EHHADH: variants seen among roughly 807,000 people sequenced by gnomAD.
The protein encoded by EHHADH is peroxisomal bifunctional enzyme.
In EHHADH, 48 loss-of-function variants were observed where a neutral mutation model predicts 64.4. The ratio of observed to expected loss-of-function variants is 0.75; its 90% confidence interval spans 0.59 to 0.95. The LOEUF (loss-of-function observed/expected upper bound fraction) is 0.95, where lower values mean the gene tolerates loss of function less well. Among genes scored for constraint, EHHADH ranks in the 40% least tolerant of loss-of-function variants. EHHADH has a pLI of 0.00. For missense variants in EHHADH, 854 were observed against 876.6 expected, an observed-to-expected ratio of 0.97 and a Z score of 0.33; for synonymous variants, 308 against 326.7, an observed-to-expected ratio of 0.94 and a Z score of 0.62.
chr3:185,202,853 G>A (rs1292183813), intron 6 of EHHADH, among the ~76,000 whole-genome samples: 1 of 152,102 alleles, frequency 6.6e-6, no homozygotes, highest in South Asian at 2.1e-4. Flanking sequence ...GTGCTAGACA[G>A]CTGGGCAAGG....
intron 4 of EHHADH, among the ~76,000 whole-genome samples, chr3:185,222,597 T>A (rs924236894): frequency 1.3e-5 from 2 of 152,236 alleles, no homozygotes; most frequent in African/African-American, 4.8e-5. Flanking sequence ...AGCTGCATTC[T>A]CATTCTCCTA....
intron 3 of EHHADH, among the ~76,000 whole-genome samples, chr3:185,230,385 T>C (rs1209835616): frequency 6.6e-6 from 1 of 152,214 alleles, no homozygotes; most frequent in African/African-American, 2.4e-5. Flanking sequence ...CATGGCACCA[T>C]GGTTCATAAA....
intron 5 of EHHADH, among the ~76,000 whole-genome samples, chr3:185,211,762 T>G: frequency 6.6e-6 from 1 of 152,226 alleles, no homozygotes; most frequent in Non-Finnish European, 1.5e-5. Flanking sequence ...TTTTGAAACA[T>G]GTTCATATAA....
intron 6 of EHHADH, among the ~76,000 whole-genome samples, chr3:185,199,814 T>G (rs1160757703): frequency 6.6e-6 from 1 of 152,186 alleles, no homozygotes; most frequent in South Asian, 2.1e-4. Flanking sequence ...GGTGGCATCA[T>G]GGCTTTCTGC....
intron 5 of EHHADH, among the ~76,000 whole-genome samples, chr3:185,211,349 C>A (rs1718535497): frequency 2.0e-5 from 3 of 152,022 alleles, no homozygotes; most frequent in Admixed American, 2.0e-4. Flanking sequence ...TTTCCTTGAC[C>A]CATTCACATT....
At chr3:185,232,963 C>T (rs1022132978) in intron 3 of EHHADH, among the ~76,000 whole-genome samples, 4 of 152,226 alleles carry the variant, frequency 2.6e-5, no homozygotes, top group Admixed American at 2.6e-4. Context: ...AGTATATTTG[C>T]CCTATAAGAA....
rs746184892 is a variant in EHHADH at position 185,253,950 on chromosome 3, T to C, written c.73A>G (p.Ser25Gly). 2 of 1,614,074 alleles carry C rather than the reference T, an allele frequency of 1.2e-6. No individual in the cohort carries two copies. The highest frequency in any genetic ancestry group is 4.5e-5 in the East Asian group (2 of 44,862). ...RLRNPPVNAI[S>G]TTLLRDIKEG... is the part of the protein sequence containing the mutation. Reference sequence around the variant, plus strand: ...GCTGGAGGCGACCGAGCCCGTTACCTGATCGCGTTGACCGGCGGGTTTCGG... The same window carrying C: ...GCTGGAGGCGACCGAGCCCGTTACCCGATCGCGTTGACCGGCGGGTTTCGG... Residue 25 changes from serine to glycine, a missense_variant and splice_region_variant, in exon 1 of 7, where the codon AGT becomes GGT. By Grantham distance (56) the Ser-to-Gly change is moderately conservative (BLOSUM62 0). Transcript: ENST00000231887.
intron 1 of EHHADH, among the ~76,000 whole-genome samples, chr3:185,249,997 G>C (rs1719702401): frequency 6.6e-6 from 1 of 152,216 alleles, no homozygotes; most frequent in African/African-American, 2.4e-5. Flanking sequence ...CCTTGGATCA[G>C]GAGGTAGAAG....
rs938164645 is a variant in EHHADH, at chr3:185,210,172, G to A, written c.569-5415C>T. Among the ~76,000 whole-genome samples, 6 of 152,168 alleles carry A rather than the reference G, an allele frequency of 3.9e-5. No individual in the cohort carries two copies. The South Asian group carries it at 1.0e-3, about 26-fold the overall frequency. ...ATAGACAGCGCTGGGATATCTTAGA[G>A]TTGGATCTCTGTCTTGTGATACTAC... On this transcript the variant is annotated intron_variant, in intron 5 of 6. Coordinates refer to ENST00000231887, the MANE Select transcript of EHHADH (RefSeq NM_001966.4).
At chr3:185,245,449 T>C in intron 2 of EHHADH, 12 of 882,214 alleles carry the variant, frequency 1.4e-5, no homozygotes. Context: ...GAAAAATCAG[T>C]GATTAGCAAA....
intron 2 of EHHADH, among the ~76,000 whole-genome samples, chr3:185,241,344 A>G (rs1719446366): frequency 6.6e-6 from 1 of 152,170 alleles, no homozygotes; most frequent in Admixed American, 6.5e-5. Flanking sequence ...ATCAAATGGT[A>G]GTTCTACTTT....
rs202232210 is a variant in EHHADH at position 185,193,465 on chromosome 3, G to A, written c.933C>T (p.Gly311=). The change falls in exon 7 of 7, where the codon GGC becomes GGT. Residue 311 remains glycine, a synonymous_variant. Coordinates refer to ENST00000231887, the MANE Select transcript of EHHADH (RefSeq NM_001966.4). ...GVVGLGTMGR[G]IVISFARARI... ...TGGCCCTTGCAAAAGAAATGACAAT[G>A]CCTCGGCCCATTGTTCCCAAGCCTG... 5.2e-5 allele frequency: 84 copies of A among 1,614,128 alleles called. No homozygotes were observed. The East Asian group carries it at 1.8e-3, about 35-fold the overall frequency.
intron 3 of EHHADH, among the ~76,000 whole-genome samples, chr3:185,230,097 G>A (rs1012139146): frequency 6.6e-6 from 1 of 152,066 alleles, no homozygotes; most frequent in African/African-American, 2.4e-5. Context: ...GCCATCAGAG[G>A]AATACAAATC....
At chr3:185,227,448 C>T (rs1389929546) in intron 4 of EHHADH, among the ~76,000 whole-genome samples, 5 of 151,558 alleles carry the variant, frequency 3.3e-5, no homozygotes, top group African/African-American at 7.3e-5. Flanking sequence ...AGGAGAATTG[C>T]GTGAACTCAG....
chr3:185,193,821 T>C (rs1473054811), intron 6 of EHHADH, among the ~76,000 whole-genome samples: 1 of 152,170 alleles, frequency 6.6e-6, no homozygotes, highest in East Asian at 1.9e-4. Flanking sequence ...GAAACAATTC[T>C]ACTTACAATA....
At chr3:185,214,040 G>A (rs1327469151) in intron 5 of EHHADH, among the ~76,000 whole-genome samples, 1 of 152,146 alleles carries the variant, frequency 6.6e-6, no homozygotes, top group Non-Finnish European at 1.5e-5. Flanking sequence ...ATGTTGACAA[G>A]ATTCTGAGTT....
At chr3:185,208,874 T>C (rs1018518391) in intron 5 of EHHADH, among the ~76,000 whole-genome samples, 23 of 152,162 alleles carry the variant, frequency 1.5e-4, no homozygotes, top group African/African-American at 3.4e-4. Flanking sequence ...CATGCTACAA[T>C]ACAGATACAG....
At chr3:185,245,503 G>T in intron 2 of EHHADH, 1 of 1,058,922 alleles carries the variant, frequency 9.4e-7, no homozygotes, top group Non-Finnish European at 1.4e-6. Context: ...GCCCATGACA[G>T]TCTGGAAGCC....
At position 185,191,899 on chromosome 3, in the gene EHHADH, A is replaced by T; in HGVS notation, c.*327T>A. On this transcript the variant is annotated 3_prime_UTR_variant, in exon 7 of 7. Coordinates refer to ENST00000231887, the MANE Select transcript of EHHADH (RefSeq NM_001966.4). ...ATGAATGTATGACTTAGCTGCATTTATCATTTATTAATTGATGACACATTT... is the reference window on the plus strand; with the variant it reads ...ATGAATGTATGACTTAGCTGCATTTTTCATTTATTAATTGATGACACATTT... The T allele has an allele frequency of 3.3e-6, 1 of 301,612 alleles. No individual in the cohort carries two copies. Among genetic ancestry groups the T allele is most frequent in the East Asian group, 7.0e-5 (1 of 14,322 alleles). The allele number at this position is 301,612 out of a possible 1,614,324, so 18.7% of individuals were successfully genotyped here. A position where few individuals can be genotyped will look rare whatever the true frequency, so the allele number is the denominator to read the frequency against.
Sources: allele counts gnomAD v4.1 joint callset (sites outside exome capture counted in the v4.1 genomes callset), GRCh38; gene constraint gnomAD v4.1.1; transcripts MANE v1.5; gene names NCBI Gene and HGNC (gene_info 2026-07-23, HGNC 2026-07-21).